Variants in MTMR8 observed in about 807,000 individuals in gnomAD.
The protein encoded by MTMR8 is myotubularin related protein 8.
In MTMR8, 65 loss-of-function variants were observed where a neutral mutation model predicts 39.3. The ratio of observed to expected loss-of-function variants is 1.65; its 90% confidence interval spans 1.35 to 2.03. The LOEUF is 2.03. Ranked by LOEUF, MTMR8 falls within the 30% of genes most tolerant of loss-of-function variation. The pLI, the probability that MTMR8 is intolerant of heterozygous loss-of-function variation, is 0.00. For synonymous variants in MTMR8, 245 were observed against 185.2 expected, an observed-to-expected ratio of 1.32 and a Z score of -2.62; for missense variants, 777 against 538.9, an observed-to-expected ratio of 1.44 and a Z score of -4.37.
chrX:64,268,902 C>T lies in MTMR8; in HGVS notation c.1750G>A (p.Glu584Lys). The T allele has an allele frequency of 2.5e-6, 3 of 1,211,740 alleles. No individual in the cohort carries two copies. Among genetic ancestry groups the T allele is most frequent in the Non-Finnish European group, 3.3e-6 (3 of 895,532 alleles). ...CCTTCCCTGGATAGGGTGCCATTCT[C>T]CATCAGGGTATTCAGGTCTCCATTG... is the stretch of plus-strand genomic sequence containing the variant. ...GINGDLNTLM[E>K]NGTLSREGGL... The change falls in exon 14 of 14, where the codon GAG (glutamate) becomes AAG (lysine). Residue 584 changes from glutamate (E) to lysine (K), a missense_variant. Glu to Lys is a moderately conservative substitution (Grantham distance 56). Transcript: ENST00000374852.
intron 12 of MTMR8, among the ~76,000 whole-genome samples, chrX:64,287,353 T>C (rs1190563931): frequency 1.5e-4 from 17 of 111,665 alleles, no homozygotes; most frequent in Non-Finnish European, 2.8e-4. Context: ...TGCTCATGGA[T>C]AGGAAGACTC....
At chrX:64,297,853 G>T (rs759101994) in intron 12 of MTMR8, among the ~76,000 whole-genome samples, 40 of 108,763 alleles carry the variant, frequency 3.7e-4, no homozygotes, top group African/African-American at 1.2e-3. Context: ...TTTCCCCATT[G>T]CTTGTTTTTC....
At chrX:64,304,181 G>A (rs1025271646) in intron 12 of MTMR8, among the ~76,000 whole-genome samples, 4 of 112,039 alleles carry the variant, frequency 3.6e-5, no homozygotes, top group Admixed American at 2.8e-4. Flanking sequence ...TTACAGGGGC[G>A]GGGAGGAAAA....
At chrX:64,388,718 C>T (rs777496436) in intron 1 of MTMR8, among the ~76,000 whole-genome samples, 12 of 112,310 alleles carry the variant, frequency 1.1e-4, no homozygotes, top group East Asian at 5.6e-4. Context: ...TGTTAATAGG[C>T]ATGTACACAC....
chrX:64,269,442 G>C (rs997253988), intron 13 of MTMR8, among the ~76,000 whole-genome samples: 10 of 111,357 alleles, frequency 9.0e-5, no homozygotes, highest in Non-Finnish European at 1.9e-4. Flanking sequence ...AAGAAACTGA[G>C]GCTCAGAGAA....
intron 1 of MTMR8, among the ~76,000 whole-genome samples, chrX:64,369,012 C>T (rs1451403890): frequency 1.8e-5 from 2 of 112,455 alleles, no homozygotes; most frequent in Admixed American, 9.4e-5. Context: ...TGAAAAATTG[C>T]TCATCATCAC....
chrX:64,367,130 A>C (rs1317010298), intron 1 of MTMR8, among the ~76,000 whole-genome samples: 1 of 111,200 alleles, frequency 9.0e-6, no homozygotes, highest in Non-Finnish European at 1.9e-5. Context: ...CCTATCAACC[A>C]AAAAAAAGTC....
rs983313081 is a variant in MTMR8 at position 64,324,421 on chromosome X, C to T, written c.1481+4351G>A. ...GAAAGAGGACGGACTTGGTGGCTCA[C>T]ACTTGTAATCCCAGCACTTTGGGAG... On this transcript the variant is annotated intron_variant, in intron 12 of 13. Transcript: ENST00000374852. 1.3e-4 allele frequency among the ~76,000 whole-genome samples: 14 copies of T among 110,885 alleles called. No homozygotes were observed. In the East Asian group the frequency reaches 3.1e-3, roughly 25 times the overall value.
chrX:64,272,312 T>A lies in MTMR8; in HGVS notation c.1482-1239A>T, dbSNP rs976456784. On this transcript the variant is annotated intron_variant, in intron 12 of 13. Coordinates refer to ENST00000374852, the MANE Select transcript of MTMR8 (RefSeq NM_017677.4). The stretch of plus-strand genomic sequence containing the variant: ...TCAGGAGAACAATCCATGAACAAAA[T>A]GAAAATTTCAACAAAGAGACAGAAA... Among the ~76,000 whole-genome samples, 4 of 111,205 alleles carry A rather than the reference T, an allele frequency of 3.6e-5. No homozygotes were observed. In the Admixed American group the frequency reaches 3.8e-4, roughly 11 times the overall value.
At chrX:64,300,389 G>C (rs1406325847) in intron 12 of MTMR8, among the ~76,000 whole-genome samples, 2 of 111,321 alleles carry the variant, frequency 1.8e-5, no homozygotes, top group Admixed American at 1.9e-4. Context: ...TCAGACACTA[G>C]CATTGCAAAC....
At chrX:64,281,310 T>C (rs1040585898) in intron 12 of MTMR8, among the ~76,000 whole-genome samples, 12 of 111,714 alleles carry the variant, frequency 1.1e-4, no homozygotes, top group South Asian at 3.7e-4. Flanking sequence ...ACTACAAGGC[T>C]ATATAGTAAC....
intron 10 of MTMR8, among the ~76,000 whole-genome samples, chrX:64,332,198 G>T (rs1442379008): frequency 8.9e-6 from 1 of 111,884 alleles, no homozygotes; most frequent in African/African-American, 3.3e-5. Flanking sequence ...CATCTATATT[G>T]TTTACTGCAT....
chrX:64,319,618 A>T (rs1201045742), intron 12 of MTMR8, among the ~76,000 whole-genome samples: 2 of 111,975 alleles, frequency 1.8e-5, no homozygotes, highest in African/African-American at 6.5e-5. Flanking sequence ...AGCTTTCTAC[A>T]TATGGCTAGC....
rs200577637 is a variant in MTMR8 at position 64,321,550 on chromosome X, AG to A, written c.1481+7221del. ...TACCCTGTCTGTGAGACAAAAAGAA[AG>A]AAAAATGATGAAAAGAGCCTCAGGG... On this transcript the variant is annotated intron_variant, in intron 12 of 13. Coordinates refer to ENST00000374852, the MANE Select transcript of MTMR8 (RefSeq NM_017677.4). Among the ~76,000 whole-genome samples the A allele has an allele frequency of 9.8e-3, 1,099 of 112,050 alleles. 23 individuals carry two copies. The highest frequency in any genetic ancestry group is 0.034 in the African/African-American group (1,051 of 30,854).
chrX:64,395,165 C>A (rs1924787906), intron 1 of MTMR8, among the ~76,000 whole-genome samples, 175 bp downstream of exon 1: 1 of 111,154 alleles, frequency 9.0e-6, no homozygotes, highest in Non-Finnish European at 1.9e-5. Flanking sequence ...CAAGCAGATC[C>A]TAAGAAGAGG....
At chrX:64,359,922 G>GA (rs202232811) in intron 1 of MTMR8, among the ~76,000 whole-genome samples, 13,798 of 42,869 alleles carry the variant, frequency 0.32, 2,913 homozygotes, top group African/African-American at 0.62. Context: ...GGCAAGAATA[G>GA]AAAAAAAAAA....
intron 4 of MTMR8, among the ~76,000 whole-genome samples, chrX:64,350,670 T>A (rs1197268429): frequency 9.0e-6 from 1 of 111,371 alleles, no homozygotes; most frequent in Admixed American, 9.6e-5. Flanking sequence ...ATAAACTGCA[T>A]ACTAGGTTCC....
At chrX:64,322,656 C>CA (rs1441779657) in intron 12 of MTMR8, among the ~76,000 whole-genome samples, 4 of 112,338 alleles carry the variant, frequency 3.6e-5, no homozygotes, top group Non-Finnish European at 7.5e-5. Flanking sequence ...CCACAGCTAG[C>CA]ATGTATCCTG....
At chrX:64,315,118 C>A (rs1427350935) in intron 12 of MTMR8, among the ~76,000 whole-genome samples, 1 of 112,185 alleles carries the variant, frequency 8.9e-6, no homozygotes, top group African/African-American at 3.2e-5. Flanking sequence ...GCCCTCTGTG[C>A]TCCACAACTG....
Sources: allele counts gnomAD v4.1 joint callset (sites outside exome capture counted in the v4.1 genomes callset), GRCh38; gene constraint gnomAD v4.1.1; transcripts MANE v1.5; gene names NCBI Gene and HGNC (gene_info 2026-07-23, HGNC 2026-07-21).